Variants in FMN1 observed in about 807,000 individuals in gnomAD.
FMN1 encodes formin 1, also known as formin-1.
In FMN1, 110 loss-of-function variants were observed where a neutral mutation model predicts 132.4. That is an observed-to-expected ratio of 0.83 (90% confidence interval 0.71 to 0.97). The LOEUF (loss-of-function observed/expected upper bound fraction) is 0.97. FMN1 is among the 50% of genes least tolerant of loss of function. FMN1 has a pLI of 0.00. For missense variants in FMN1, 1,792 were observed against 1,705.3 expected (o/e 1.05, Z -0.90); for synonymous variants, 722 against 651.7 (o/e 1.11, Z -1.64).
chr15:33,013,968 C>G (rs190615524), intron 6 of FMN1, among the ~76,000 whole-genome samples: 1 of 152,118 alleles, frequency 6.6e-6, no homozygotes, highest in Non-Finnish European at 1.5e-5. Context: ...ATTAACAAAC[C>G]GATGAAGGAG....
intron 16 of FMN1, among the ~76,000 whole-genome samples, chr15:32,874,405 G>T (rs2059591785): frequency 6.6e-6 from 1 of 151,764 alleles, no homozygotes; most frequent in Admixed American, 6.6e-5. Flanking sequence ...GGTATGTCAT[G>T]GATTGAAAAA....
intron 10 of FMN1, 92 bp downstream of exon 10, chr15:32,926,082 C>T: frequency 1.4e-6 from 1 of 717,904 alleles, no homozygotes; most frequent in Non-Finnish European, 2.4e-6. Flanking sequence ...TTCATTAGGG[C>T]ATTCTAACTT....
intron 2 of FMN1, among the ~76,000 whole-genome samples, chr15:33,184,796 G>A (rs1003549963): frequency 1.2e-4 from 19 of 152,064 alleles, no homozygotes; most frequent in Admixed American, 6.6e-5. Flanking sequence ...GAACCACCGC[G>A]CCCAGCTATA....
intron 19 of FMN1, among the ~76,000 whole-genome samples, chr15:32,792,439 T>C (rs1455688664): frequency 6.8e-6 from 1 of 148,114 alleles, no homozygotes; most frequent in Non-Finnish European, 1.5e-5. Context: ...AGCAAGACTC[T>C]GTCTCAAAAC....
intron 6 of FMN1, among the ~76,000 whole-genome samples, chr15:33,037,296 G>C (rs2036233137): frequency 6.7e-6 from 1 of 149,152 alleles, no homozygotes; most frequent in African/African-American, 2.6e-5. Flanking sequence ...ACAGTTCCCA[G>C]TCTCCTGCAC....
chr15:32,897,117 C>T (rs2060178939), intron 15 of FMN1, among the ~76,000 whole-genome samples: 1 of 152,130 alleles, frequency 6.6e-6, no homozygotes, highest in Non-Finnish European at 1.5e-5. Flanking sequence ...TTTTTATTAA[C>T]AGCCATCCTA....
intron 10 of FMN1, among the ~76,000 whole-genome samples, chr15:32,922,335 T>C (rs1003737996): frequency 2.6e-5 from 4 of 152,328 alleles, no homozygotes; most frequent in East Asian, 1.9e-4. Flanking sequence ...TTTTTAAAAA[T>C]TGAATTAAAT....
chr15:33,070,939 G>T (rs1206545265), intron 5 of FMN1, among the ~76,000 whole-genome samples: 4 of 152,160 alleles, frequency 2.6e-5, no homozygotes, highest in Admixed American at 6.5e-5. Flanking sequence ...CAGAAACAGT[G>T]GATGGTGGAA....
intron 5 of FMN1, among the ~76,000 whole-genome samples, chr15:33,069,993 CTTTTTTTTTTTTT>C (rs1171369156): frequency 4.0e-5 from 3 of 74,324 alleles, no homozygotes; most frequent in South Asian, 5.4e-4. Context: ...CAGTCTTTCT[CTTTTTTTTTTTTT>C]TTTTTTTTTT....
intron 16 of FMN1, among the ~76,000 whole-genome samples, chr15:32,872,919 G>C (rs1334240135): frequency 1.3e-5 from 2 of 150,374 alleles, no homozygotes; most frequent in Admixed American, 6.6e-5. Context: ...ATGACAGAAA[G>C]GCATAAAGAG....
intron 9 of FMN1, among the ~76,000 whole-genome samples, chr15:32,960,158 C>T (rs932597738): frequency 4.6e-5 from 7 of 152,052 alleles, no homozygotes; most frequent in South Asian, 2.1e-4. Context: ...TTTTTTTGCC[C>T]GGATTTGTCT....
chr15:32,786,141 T>G (rs2056870563), intron 19 of FMN1, among the ~76,000 whole-genome samples: 1 of 152,162 alleles, frequency 6.6e-6, no homozygotes, highest in African/African-American at 2.4e-5. Flanking sequence ...GGACTTACCC[T>G]AAATGTAAAG....
chr15:32,901,445 G>A (rs1193032114), intron 13 of FMN1, among the ~76,000 whole-genome samples: 1 of 152,162 alleles, frequency 6.6e-6, no homozygotes, highest in African/African-American at 2.4e-5. Context: ...GTGTAGTAAA[G>A]CCAACAAATA....
At chr15:32,778,511 C>T (rs1432294785) in intron 19 of FMN1, among the ~76,000 whole-genome samples, 2 of 151,990 alleles carry the variant, frequency 1.3e-5, no homozygotes, top group Admixed American at 6.6e-5. Flanking sequence ...ATAGACATTT[C>T]TCCAAAGCTG....
intron 6 of FMN1, among the ~76,000 whole-genome samples, chr15:33,045,022 C>T (rs1017453856): frequency 2.2e-4 from 33 of 152,234 alleles, no homozygotes; most frequent in Admixed American, 2.2e-3. Flanking sequence ...AGAGCTGCCA[C>T]CCTTCAGGGA....
At chr15:32,806,108 T>C (rs1226572709) in intron 17 of FMN1, among the ~76,000 whole-genome samples, 2 of 152,204 alleles carry the variant, frequency 1.3e-5, no homozygotes, top group African/African-American at 2.4e-5. Context: ...TAAGTTGTTA[T>C]GTTATTATGT....
At chr15:32,783,616 G>A (rs1169020678) in intron 19 of FMN1, among the ~76,000 whole-genome samples, 12 of 152,004 alleles carry the variant, frequency 7.9e-5, no homozygotes, top group South Asian at 4.2e-4. Flanking sequence ...GGTGGTGGGC[G>A]CCTGTAGTCC....
intron 19 of FMN1, among the ~76,000 whole-genome samples, chr15:32,786,017 T>C (rs2056866857): frequency 6.6e-6 from 1 of 152,142 alleles, no homozygotes; most frequent in African/African-American, 2.4e-5. Flanking sequence ...ATGGATACGG[T>C]ATGCTCTGTG....
chr15:32,992,624 C>G (rs889473503), intron 7 of FMN1, among the ~76,000 whole-genome samples: 11 of 152,138 alleles, frequency 7.2e-5, no homozygotes, highest in Admixed American at 6.6e-4. Flanking sequence ...AACAAAAAGA[C>G]ATGCAGTAAA....
Sources: gnomAD v4.1 joint callset for allele counts (sites outside exome capture counted in the v4.1 genomes callset) on GRCh38, gnomAD v4.1.1 for gene constraint, MANE v1.5 for transcripts, NCBI Gene and HGNC (gene_info 2026-07-23, HGNC 2026-07-21) for gene names.